NALF1: variants seen among roughly 807,000 people sequenced by gnomAD.
NALF1 encodes family with sequence similarity 155 member A.
A neutral mutation model predicts 48.4 loss-of-function variants in NALF1; 3 were observed. That is an observed-to-expected ratio of 0.06 (90% CI 0.03 to 0.16). The LOEUF (loss-of-function observed/expected upper bound fraction) is 0.16. Ranked by LOEUF, NALF1 falls within the 10% of genes least tolerant of loss-of-function variation. The pLI is 1.00. For missense variants in NALF1, 526 were observed against 571.5 expected, an observed-to-expected ratio of 0.92 and a Z score of 0.81; for synonymous variants, 262 against 245.7, an observed-to-expected ratio of 1.07 and a Z score of -0.62.
At chr13:107,712,965 T>C (rs142905703) in intron 1 of NALF1, among the ~76,000 whole-genome samples, 1 of 152,334 alleles carries the variant, frequency 6.6e-6, no homozygotes, top group African/African-American at 2.4e-5. Context: ...GGAGGTGGAC[T>C]GTGTCCAGCA....
chr13:107,823,709 T>C (rs997592004), intron 1 of NALF1, among the ~76,000 whole-genome samples: 4 of 152,202 alleles, frequency 2.6e-5, no homozygotes, highest in African/African-American at 9.6e-5. Flanking sequence ...TGCTCCTCTC[T>C]TGACACAATT....
intron 1 of NALF1, among the ~76,000 whole-genome samples, chr13:107,549,016 A>G (rs552557287): frequency 8.5e-5 from 13 of 152,236 alleles, no homozygotes; most frequent in African/African-American, 2.9e-4. Context: ...TTGACTATAG[A>G]TGTGTAATAT....
intron 1 of NALF1, among the ~76,000 whole-genome samples, chr13:107,259,006 A>G (rs1880876529): frequency 2.0e-5 from 3 of 152,078 alleles, no homozygotes; most frequent in Admixed American, 2.0e-4. Flanking sequence ...AGACTCATAT[A>G]CCATGTATAT....
At chr13:107,347,628 T>A (rs570999913) in intron 1 of NALF1, among the ~76,000 whole-genome samples, 10 of 152,206 alleles carry the variant, frequency 6.6e-5, no homozygotes, top group Non-Finnish European at 1.5e-4. Flanking sequence ...TGTGAATCGA[T>A]GATCCTATCC....
chr13:107,201,499 C>T (rs572389820), intron 2 of NALF1, among the ~76,000 whole-genome samples: 43 of 152,156 alleles, frequency 2.8e-4, no homozygotes, highest in African/African-American at 9.6e-4. Context: ...ATGGTGTGAA[C>T]CCGCGAGGGG....
chr13:107,569,531 A>G (rs1877924481), intron 1 of NALF1, among the ~76,000 whole-genome samples: 1 of 151,872 alleles, frequency 6.6e-6, no homozygotes, highest in African/African-American at 2.4e-5. Context: ...GTTCTTCACC[A>G]AAAATCTGTT....
intron 1 of NALF1, among the ~76,000 whole-genome samples, chr13:107,703,265 A>G (rs1377457534): frequency 2.0e-5 from 3 of 152,146 alleles, no homozygotes; most frequent in African/African-American, 7.2e-5. Context: ...AACTATTTAA[A>G]TACTTTTTCC....
intron 1 of NALF1, among the ~76,000 whole-genome samples, chr13:107,346,630 T>C (rs534866027): frequency 6.6e-6 from 1 of 152,012 alleles, no homozygotes; most frequent in South Asian, 2.1e-4. Context: ...AAATGAGGAG[T>C]TGCTCTTTAA....
intron 1 of NALF1, among the ~76,000 whole-genome samples, chr13:107,758,072 G>A (rs1175224337): frequency 1.3e-5 from 2 of 152,100 alleles, no homozygotes; most frequent in Admixed American, 1.3e-4. Context: ...CCCTTCAAAA[G>A]TGACAAGAGA....
chr13:107,390,149 C>T (rs892976801), intron 1 of NALF1, among the ~76,000 whole-genome samples: 5 of 151,914 alleles, frequency 3.3e-5, no homozygotes, highest in African/African-American at 1.2e-4. Flanking sequence ...AGGGGCAGAT[C>T]GCTTGAAGCC....
chr13:107,783,643 G>A (rs1412336568), intron 1 of NALF1, among the ~76,000 whole-genome samples: 1 of 151,956 alleles, frequency 6.6e-6, no homozygotes, highest in Non-Finnish European at 1.5e-5. Flanking sequence ...GATGTGCTTT[G>A]TTAAACAGAT....
At chr13:107,598,957 C>T (rs1262226955) in intron 1 of NALF1, among the ~76,000 whole-genome samples, 1 of 152,158 alleles carries the variant, frequency 6.6e-6, no homozygotes, top group Non-Finnish European at 1.5e-5. Flanking sequence ...CCCGCCAAGA[C>T]TAGAAAAGTA....
At chr13:107,823,921 T>C (rs1253650970) in intron 1 of NALF1, among the ~76,000 whole-genome samples, 1 of 152,106 alleles carries the variant, frequency 6.6e-6, no homozygotes, top group South Asian at 2.1e-4. Context: ...ATTTAATACA[T>C]GTAAAGTGTT....
chr13:107,694,776 G>A (rs1425758990), intron 1 of NALF1, among the ~76,000 whole-genome samples: 1 of 151,202 alleles, frequency 6.6e-6, no homozygotes, highest in Non-Finnish European at 1.5e-5. Flanking sequence ...CTGTATCTAT[G>A]ACATTATTTT....
intron 1 of NALF1, among the ~76,000 whole-genome samples, chr13:107,281,165 C>T (rs1881378485): frequency 6.6e-6 from 1 of 151,984 alleles, no homozygotes. Context: ...CTTTGGGGAA[C>T]ATAAAAATGA....
chr13:107,745,843 CT>C (rs1876767191), intron 1 of NALF1, among the ~76,000 whole-genome samples: 1 of 152,106 alleles, frequency 6.6e-6, no homozygotes, highest in African/African-American at 2.4e-5. Context: ...TTATAAGGGG[CT>C]TTTCCCCCTT....
At chr13:107,261,416 C>T (rs1880924937) in intron 1 of NALF1, among the ~76,000 whole-genome samples, 1 of 152,170 alleles carries the variant, frequency 6.6e-6, no homozygotes, top group South Asian at 2.1e-4. Context: ...CATTCTTCTC[C>T]TCCCCTATCC....
At chr13:107,173,246 A>C (rs571199693) in intron 2 of NALF1, among the ~76,000 whole-genome samples, 1 of 152,238 alleles carries the variant, frequency 6.6e-6, no homozygotes, top group Non-Finnish European at 1.5e-5. Flanking sequence ...TGTGGAGATA[A>C]AACATTTATT....
intron 1 of NALF1, among the ~76,000 whole-genome samples, chr13:107,321,632 T>C (rs570781573): frequency 6.6e-6 from 1 of 152,242 alleles, no homozygotes; most frequent in South Asian, 2.1e-4. Context: ...AACTTTGGTT[T>C]CCACCAACTT....
Sources: allele counts gnomAD v4.1 joint callset (sites outside exome capture counted in the v4.1 genomes callset), GRCh38; gene constraint gnomAD v4.1.1; transcripts MANE v1.5; gene names NCBI Gene and HGNC (gene_info 2026-07-23, HGNC 2026-07-21).